The following PRKCG variants were observed in gnomAD, a reference collection of about 807,000 sequenced individuals.
The protein encoded by PRKCG is protein kinase C gamma type.
PRKCG carries 28 observed loss-of-function variants against 82.0 expected under a neutral mutation model. The observed-to-expected ratio is 0.34, with a 90% confidence interval of 0.25 to 0.47. PRKCG has a LOEUF of 0.47. PRKCG is among the 20% of genes least tolerant of loss of function. PRKCG has a pLI of 1.00. For synonymous variants in PRKCG, 383 were observed against 376.6 expected (o/e 1.02, Z -0.20); for missense variants, 640 against 952.7 (o/e 0.67, Z 4.32).
intron 9 of PRKCG, among the ~76,000 whole-genome samples, chr19:53,895,280 G>A (rs904362080): frequency 6.6e-6 from 1 of 152,012 alleles, no homozygotes; most frequent in African/African-American, 2.4e-5. Flanking sequence ...CTGAGGTCAG[G>A]AGTTTGAGAC....
chr19:53,885,314 C>T (rs307953), intron 3 of PRKCG, among the ~76,000 whole-genome samples: 4,881 of 152,230 alleles, frequency 0.032, 95 homozygotes, highest in African/African-American at 0.058. Context: ...ATGCAACTTC[C>T]GTTTCCCAGG....
intron 15 of PRKCG, among the ~76,000 whole-genome samples, 166 bp from the exon 16 acceptor site, chr19:53,904,469 T>C (rs2068786836): frequency 6.9e-6 from 1 of 144,736 alleles, no homozygotes; most frequent in Non-Finnish European, 1.5e-5. Flanking sequence ...AGGAGAGAGA[T>C]CAAGCTTTGG....
chr19:53,900,252 T>A lies in PRKCG; in HGVS notation c.1301T>A (p.Met434Lys). 6.2e-7 allele frequency: 1 copy of A among 1,614,160 alleles called. No individual in the cohort carries two copies. The highest frequency in any genetic ancestry group is 8.5e-7 in the Non-Finnish European group (1 of 1,180,024). The change falls in exon 12 of 18, where the codon ATG becomes AAG. Residue 434 changes from methionine to lysine, a missense_variant. By Grantham distance (95) the Met-to-Lys change is moderately conservative. Around this residue, in one of 7 missense-constraint regions of PRKCG, gnomAD observed 78 missense variants for 105.6 expected, o/e 0.74. Coordinates refer to ENST00000263431, the MANE Select transcript of PRKCG (RefSeq NM_002739.5). The surrounding 1 kb of genome is among the most constrained non-coding windows in gnomAD (Gnocchi z 4.2). ...CCGCAGGACCGCCTGTATTTCGTGA[T>A]GGAGTACGTCACCGGGGGAGACTTG... ...FQTPDRLYFV[M>K]EYVTGGDLMY...
chr19:53,897,820 C>T, intron 9 of PRKCG, 139 bp from the exon 10 acceptor site: 1 of 1,105,736 alleles, frequency 9.0e-7, no homozygotes, highest in Non-Finnish European at 1.3e-6. Flanking sequence ...AAGCCAAGGA[C>T]AGGGTAGGAG....
At chr19:53,899,261 G>C (rs897438746) in intron 11 of PRKCG, among the ~76,000 whole-genome samples, 4 of 152,172 alleles carry the variant, frequency 2.6e-5, no homozygotes, top group African/African-American at 9.7e-5. Context: ...GGGCTCTTGG[G>C]GGGAGTGGCC....
chr19:53,904,788 A>T, intron 16 of PRKCG, 46 bp downstream of exon 16: 1 of 1,457,772 alleles, frequency 6.9e-7, no homozygotes, highest in Non-Finnish European at 9.6e-7. Flanking sequence ...ACAACCACAC[A>T]CCCCATTGCT....
rs534629025 is a variant in PRKCG, at chr19:53,898,391, A to G, written c.1093-49A>G. 23 of 1,608,242 alleles carry G rather than the reference A, an allele frequency of 1.4e-5. No homozygotes were observed. In the East Asian group the frequency reaches 4.9e-4, roughly 34 times the overall value. On this transcript the variant is annotated intron_variant, in intron 10 of 17. Coordinates refer to ENST00000263431, the MANE Select transcript of PRKCG (RefSeq NM_002739.5). ...CCCTTAGGGAGGGGGCAGGTCCTGT[A>G]CCACTGGGTTCCCAACATGGACTGG...
chr19:53,882,687 C>T lies in PRKCG; in HGVS notation c.170+23C>T. On this transcript the variant is annotated intron_variant, in intron 1 of 17. Coordinates refer to ENST00000263431, the MANE Select transcript of PRKCG (RefSeq NM_002739.5). The surrounding 1 kb of genome is among the most constrained non-coding windows in gnomAD (Gnocchi z 6.1). ...CTGGTGAGGGAAGGGGGCTGGGGGA[C>T]TGGGGGACGAGGGGACTAGGGGTGC... 1.9e-6 allele frequency: 2 copies of T among 1,076,478 alleles called. No homozygotes were observed. The highest frequency in any genetic ancestry group is 1.4e-6 in the Non-Finnish European group (1 of 731,470). The allele number at this position is 1,076,478 out of a possible 1,614,324, so 66.7% of individuals were successfully genotyped here.
At chr19:53,898,214 C>T in intron 10 of PRKCG, 103 bp downstream of exon 10, 1 of 1,496,478 alleles carries the variant, frequency 6.7e-7, no homozygotes. Context: ...TGGGCTCCTG[C>T]ATCTTCAAAT....
At position 53,892,886 on chromosome 19, in the gene PRKCG, G is replaced by A; in HGVS notation, c.822-102G>A. The A allele has an allele frequency of 8.5e-7, 1 of 1,181,394 alleles. No individual in the cohort carries two copies. Among genetic ancestry groups the A allele is most frequent in the Non-Finnish European group, 1.2e-6 (1 of 810,894 alleles). The allele number at this position is 1,181,394 out of a possible 1,614,324, so 73.2% of individuals were successfully genotyped here. On this transcript the variant is annotated intron_variant, in intron 7 of 17. Coordinates refer to ENST00000263431, the MANE Select transcript of PRKCG (RefSeq NM_002739.5). This position sits in a 1 kb window ranked among gnomAD's most constrained non-coding sequence, Gnocchi z 5.9. ...CTCACTCTTTCTCTCTTCCATCTCT[G>A]TGTCCGTCTCTCTGTGTCTCTTTCC...
At position 53,900,665 on chromosome 19, in the gene PRKCG, T is replaced by C. The variant is rs1443585027; in HGVS notation, c.1491T>C (p.Thr497=). 1.2e-6 allele frequency: 2 copies of C among 1,614,246 alleles called. No individual in the cohort carries two copies. Among genetic ancestry groups the C allele is most frequent in the East Asian group, 2.2e-5 (1 of 44,880 alleles). ...ATGCTGAGGGACACATCAAGATCAC[T>C]GACTTTGGCATGTGTAAGGAGAACG... The part of the protein sequence containing the change: ...MLDAEGHIKI[T]DFGMCKENVF... Residue 497 remains threonine, a synonymous_variant, in exon 14 of 18, where the codon ACT becomes ACC. Transcript: ENST00000263431. This position sits in a 1 kb window ranked among gnomAD's most constrained non-coding sequence, Gnocchi z 4.2.
chr19:53,901,849 C>CAAAAA (rs752402468), intron 14 of PRKCG, among the ~76,000 whole-genome samples: 2 of 69,084 alleles, frequency 2.9e-5, no homozygotes, highest in Non-Finnish European at 6.9e-5. Flanking sequence ...GACCCTGTCT[C>CAAAAA]AAAAAAAAAA....
rs1435174150 is a variant in PRKCG, at chr19:53,883,283, T to C, written c.202+89T>C. On this transcript the variant is annotated intron_variant, in intron 2 of 17. Transcript: ENST00000263431. This position sits in a 1 kb window ranked among gnomAD's most constrained non-coding sequence, Gnocchi z 5.4. ...GAGGCTGCTTGACACACGTGTTCTC[T>C]GGTCCCCAGAGAGGCGCGGGGGAGC... The C allele has an allele frequency of 6.6e-6, 10 of 1,506,626 alleles. No individual in the cohort carries two copies. The highest frequency in any genetic ancestry group is 4.6e-6 in the Non-Finnish European group (5 of 1,087,774). The allele number at this position is 1,506,626 out of a possible 1,614,324, so 93.3% of individuals were successfully genotyped here. A position where few individuals can be genotyped will look rare whatever the true frequency, so the allele number is the denominator to read the frequency against.
chr19:53,894,754 C>G (rs141759276), intron 9 of PRKCG, among the ~76,000 whole-genome samples: 2,526 of 152,284 alleles, frequency 0.017, 61 homozygotes, highest in Admixed American at 0.037. Flanking sequence ...GCGACCACGC[C>G]CAGACGAATA....
intron 5 of PRKCG, 35 bp from the exon 6 acceptor site, chr19:53,891,639 C>G (rs1186650420): frequency 7.4e-6 from 12 of 1,611,952 alleles, no homozygotes; most frequent in Non-Finnish European, 1.0e-5. Flanking sequence ...TCCTGGATCT[C>G]TAACCCGTCA....
rs914927223 is a variant in PRKCG, at chr19:53,893,227, G to C, written c.910-135G>C. 4 of 1,270,804 alleles carry C rather than the reference G, an allele frequency of 3.1e-6. No individual in the cohort carries two copies. In the African/African-American group the frequency reaches 5.9e-5, roughly 19 times the overall value. 78.7% of individuals were successfully genotyped at this position (1,270,804 alleles called of 1,614,324 possible). On this transcript the variant is annotated intron_variant, in intron 8 of 17. Coordinates refer to ENST00000263431, the MANE Select transcript of PRKCG (RefSeq NM_002739.5). The stretch of plus-strand genomic sequence containing the variant: ...CCTCCTCTGCTCTTCTAGGGGACTC[G>C]AGCCCCAGGGTCTGATGGGAATTAT...
Position 53,883,334 on chromosome 19 carries a change from A to G in PRKCG, c.202+140A>G, listed in dbSNP as rs2068607124. The stretch of plus-strand genomic sequence containing the variant: ...CCGGGGCGGGGGGTGTGGCAGAGAC[A>G]CAGCCTGTGGTGGGGAGGGAGCTTT... On this transcript the variant is annotated intron_variant, in intron 2 of 17. Coordinates refer to ENST00000263431, the MANE Select transcript of PRKCG (RefSeq NM_002739.5). This position sits in a 1 kb window ranked among gnomAD's most constrained non-coding sequence, Gnocchi z 5.4. 1 of 1,063,696 alleles carries G rather than the reference A, an allele frequency of 9.4e-7. No homozygotes were observed. Among genetic ancestry groups the G allele is most frequent in the East Asian group, 2.5e-5 (1 of 39,536 alleles). The allele number at this position is 1,063,696 out of a possible 1,614,324, so 65.9% of individuals were successfully genotyped here. A position where few individuals can be genotyped will look rare whatever the true frequency, so the allele number is the denominator to read the frequency against.
At chr19:53,893,678 T>TG (rs148859339) in intron 9 of PRKCG, among the ~76,000 whole-genome samples, 1 of 152,130 alleles carries the variant, frequency 6.6e-6, no homozygotes, top group Non-Finnish European at 1.5e-5. Context: ...TAATCCAGCC[T>TG]GGGGGAGGGT....
At chr19:53,899,227 C>T (rs2068744344) in intron 11 of PRKCG, among the ~76,000 whole-genome samples, 1 of 150,792 alleles carries the variant, frequency 6.6e-6, no homozygotes, top group African/African-American at 2.4e-5. Context: ...CGGTTGAGTT[C>T]CTTGGGGGCG....
Sources: allele counts gnomAD v4.1 joint callset (sites outside exome capture counted in the v4.1 genomes callset), GRCh38; gene constraint gnomAD v4.1.1; regional missense constraint gnomAD v4.1.1; non-coding constraint Gnocchi (gnomAD v3.1); transcripts MANE v1.5; gene names NCBI Gene and HGNC (gene_info 2026-07-23, HGNC 2026-07-21).